The following MTERF4 variants were observed in gnomAD, a reference collection of about 807,000 sequenced individuals.
MTERF4 encodes mitochondrial transcription termination factor 4.
Under a neutral mutation model 22.5 loss-of-function variants are expected in MTERF4, and 17 were observed. The ratio of observed to expected loss-of-function variants is 0.75; its 90% confidence interval spans 0.52 to 1.13. MTERF4 has a LOEUF of 1.13. MTERF4 is among the 50% of genes most tolerant of loss of function. The pLI, the probability that MTERF4 is intolerant of heterozygous loss-of-function variation, is 0.00. For missense variants in MTERF4, 420 were observed against 466.8 expected (o/e 0.90, Z 0.92); for synonymous variants, 165 against 175.3 (o/e 0.94, Z 0.47).
chr2:241,048,858 G>A, the MTERF4 span: 471 of 1,256,508 alleles, frequency 3.7e-4, 1 homozygote, highest in African/African-American at 6.5e-3. Context: ...CGTAGGTCCA[G>A]ACTGTCGACC....
intron 4 of MTERF4, among the ~76,000 whole-genome samples, chr2:241,079,046 G>A (rs1327299696): frequency 2.7e-5 from 4 of 150,914 alleles, no homozygotes; most frequent in South Asian, 2.1e-4. Context: ...CCCAGGAGGC[G>A]GAGGCTGCAG....
downstream of MTERF4, among the ~76,000 whole-genome samples, chr2:241,067,464 C>T (rs889419937): frequency 1.2e-4 from 18 of 152,228 alleles, no homozygotes; most frequent in Non-Finnish European, 5.9e-5. Context: ...CGGCCCATCC[C>T]CTGCCATGTC....
chr2:241,098,877 C>A (rs952433244), intron 2 of MTERF4, among the ~76,000 whole-genome samples: 3 of 152,134 alleles, frequency 2.0e-5, no homozygotes, highest in African/African-American at 7.2e-5. Flanking sequence ...TCTGCCCTGG[C>A]ACTCAATTTT....
rs114307577 is a variant in MTERF4, at chr2:241,098,866, C to T, written c.520+530G>A. 9.6e-3 allele frequency among the ~76,000 whole-genome samples: 1,469 copies of T among 152,276 alleles called. 18 individuals are homozygous for T. Among genetic ancestry groups the T allele is most frequent in the African/African-American group, 0.033 (1,355 of 41,544 alleles). On this transcript the variant is annotated intron_variant, in intron 2 of 3. Transcript: ENST00000391980. ...CACGGTGAACAAGGCAGACAAGAGT[C>T]TCTGCCCTGGCACTCAATTTTTTCT...
intron 4 of MTERF4, among the ~76,000 whole-genome samples, chr2:241,079,361 A>G (rs1333298455): frequency 2.0e-5 from 3 of 150,572 alleles, no homozygotes; most frequent in African/African-American, 7.3e-5. Context: ...GCAGTGAGCC[A>G]AGATCGCCCC....
At chr2:241,050,255 G>T in the MTERF4 span, among the ~76,000 whole-genome samples, 5 of 152,174 alleles carry the variant, frequency 3.3e-5, no homozygotes, top group African/African-American at 1.2e-4. Flanking sequence ...ATAGGATTTT[G>T]CTCAATCTAA....
the MTERF4 span, chr2:241,053,305 A>G: frequency 6.3e-7 from 1 of 1,589,968 alleles, no homozygotes; most frequent in Non-Finnish European, 8.6e-7. Context: ...CGGTGTCTGG[A>G]GTGAGCCTCC....
the MTERF4 span, among the ~76,000 whole-genome samples, chr2:241,052,696 G>C: frequency 1.1e-3 from 71 of 67,280 alleles, 11 homozygotes; most frequent in Non-Finnish European, 1.7e-3. Flanking sequence ...TCGGCGGGGG[G>C]GGGGGGGGTC....
chr2:241,070,220 G>C, downstream of MTERF4: 1 of 1,587,878 alleles, frequency 6.3e-7, no homozygotes, highest in Non-Finnish European at 8.5e-7. Context: ...CGTGGGCCCT[G>C]CGCGTGGGCG....
At chr2:241,088,067 G>A (rs564894017), downstream of MTERF4, 145 of 457,242 alleles carry the variant, frequency 3.2e-4, 2 homozygotes, top group Non-Finnish European at 5.0e-4. Flanking sequence ...GCACGTCACC[G>A]GCTCTTCCCT....
chr2:241,102,075 T>C (rs2064737458), intron 1 of MTERF4, 178 bp downstream of exon 1: 1 of 768,808 alleles, frequency 1.3e-6, no homozygotes, highest in Non-Finnish European at 2.1e-6. Context: ...GTCAACTCTA[T>C]ATCCCACAAT....
At chr2:241,081,910 A>T in intron 4 of MTERF4, 3 of 779,922 alleles carry the variant, frequency 3.8e-6, no homozygotes, top group Non-Finnish European at 6.4e-6. Flanking sequence ...GGTGCCAGAC[A>T]GGGAGTCTGG....
downstream of MTERF4, chr2:241,088,476 T>G (rs942874209): frequency 8.2e-6 from 10 of 1,226,676 alleles, no homozygotes; most frequent in Non-Finnish European, 1.2e-5. Context: ...AGCCCCGGGA[T>G]CTCAGAGTGC....
the MTERF4 span, chr2:241,052,533 A>AG: frequency 0.011 from 12,482 of 1,179,388 alleles, 461 homozygotes; most frequent in African/African-American, 0.059. Context: ...TGAGATGGCC[A>AG]GGGCCCAAGC....
chr2:241,088,946 AAGTCGTCAC>A, downstream of MTERF4: 1 of 221,386 alleles, frequency 4.5e-6, no homozygotes. Context: ...CGCCGCTAGA[AAGTCGTCAC>A]TGACACTGGG....
chr2:241,062,043 CAA>C, the MTERF4 span, among the ~76,000 whole-genome samples: 1 of 151,942 alleles, frequency 6.6e-6, no homozygotes, highest in African/African-American at 2.4e-5. Flanking sequence ...TGAGAGAAGA[CAA>C]TATATATCAT....
In MTERF4 at chr2:241,095,824, T is replaced by A; in HGVS notation, c.*174A>T. The A allele has an allele frequency of 8.5e-7, 1 of 1,182,464 alleles. No homozygotes were observed. The highest frequency in any genetic ancestry group is 1.5e-5 in the South Asian group (1 of 65,144). 73.2% of individuals were successfully genotyped at this position (1,182,464 alleles called of 1,614,324 possible). A position where few individuals can be genotyped will look rare whatever the true frequency, so the allele number is the denominator to read the frequency against. ...GATCAAACATGCATTTCCTGTTTCC[T>A]GTTTGGTTTGATCTGTCTGCCTCTC... is the stretch of plus-strand genomic sequence containing the variant. On this transcript the variant is annotated 3_prime_UTR_variant, in exon 4 of 4. Coordinates refer to ENST00000391980, the MANE Select transcript of MTERF4 (RefSeq NM_182501.4).
chr2:241,099,155 A>C, intron 2 of MTERF4: 1 of 444,916 alleles, frequency 2.2e-6, no homozygotes. Flanking sequence ...GCTCACTGCA[A>C]CCTCCGCCTC....
In MTERF4 at chr2:241,073,785, C is replaced by A. The variant is rs996155304; in HGVS notation, n.2377G>T. ...GGAGCAGCCACTGGGCGAGCCCCAGCTTGAGGACTAGCTGGGCCCTGTGGA... is the reference window on the plus strand; with the variant it reads ...GGAGCAGCCACTGGGCGAGCCCCAGATTGAGGACTAGCTGGGCCCTGTGGA... On this transcript the variant is annotated non_coding_transcript_exon_variant, in exon 5 of 5. Transcript: ENST00000464344. This position sits in a 1 kb window ranked among gnomAD's most constrained non-coding sequence, Gnocchi z 6.6. The A allele has an allele frequency of 1.3e-5, 4 of 319,914 alleles. No homozygotes were observed. Among genetic ancestry groups the A allele is most frequent in the Non-Finnish European group, 2.3e-5 (4 of 173,228 alleles). 19.8% of individuals were successfully genotyped at this position (319,914 alleles called of 1,614,324 possible).
Sources: allele counts gnomAD v4.1 joint callset (sites outside exome capture counted in the v4.1 genomes callset), GRCh38; gene constraint gnomAD v4.1.1; non-coding constraint Gnocchi (gnomAD v3.1); transcripts MANE v1.5; gene names NCBI Gene and HGNC (gene_info 2026-07-23, HGNC 2026-07-21).